Variants in KCNIP4 observed in about 807,000 individuals in gnomAD.
The protein encoded by KCNIP4 is Kv channel-interacting protein 4.
KCNIP4 carries 12 observed loss-of-function variants against 34.0 expected under a neutral mutation model. The observed-to-expected ratio is 0.35, with a 90% CI of 0.23 to 0.57. KCNIP4 has a LOEUF of 0.57. KCNIP4 is among the 20% of genes least tolerant of loss of function. The pLI, the probability that KCNIP4 is intolerant of heterozygous loss-of-function variation, is 0.83. For missense variants in KCNIP4, 238 were observed against 311.7 expected (o/e 0.76, Z 1.78); for synonymous variants, 124 against 102.2 (o/e 1.21, Z -1.29).
intron 1 of KCNIP4, among the ~76,000 whole-genome samples, chr4:21,075,289 C>T (rs1001568671): frequency 6.6e-6 from 1 of 152,062 alleles, no homozygotes; most frequent in African/African-American, 2.4e-5. Context: ...CTTTGTAGGT[C>T]TCTAAGGACT....
At chr4:21,329,079 C>A (rs1238993354) in intron 1 of KCNIP4, among the ~76,000 whole-genome samples, 1 of 152,222 alleles carries the variant, frequency 6.6e-6, no homozygotes, top group African/African-American at 2.4e-5. Flanking sequence ...TACTAGGCTT[C>A]CTCAGTCTTG....
intron 1 of KCNIP4, among the ~76,000 whole-genome samples, chr4:21,111,244 AAAG>A (rs1371259331): frequency 6.6e-6 from 1 of 152,176 alleles, no homozygotes; most frequent in Non-Finnish European, 1.5e-5. Context: ...AGAGAGAACG[AAAG>A]AATTGATCCT....
At chr4:20,763,486 AC>A (rs760679799) in intron 3 of KCNIP4, among the ~76,000 whole-genome samples, 1 of 152,114 alleles carries the variant, frequency 6.6e-6, no homozygotes, top group Admixed American at 6.6e-5. Flanking sequence ...GTACATGGAA[AC>A]TTTTTATGGG....
chr4:21,439,326 G>A (rs746103952), intron 1 of KCNIP4, among the ~76,000 whole-genome samples: 3 of 150,796 alleles, frequency 2.0e-5, no homozygotes, highest in East Asian at 3.9e-4. Flanking sequence ...CTGTATATCC[G>A]CATTAGTAAA....
intron 1 of KCNIP4, among the ~76,000 whole-genome samples, chr4:21,482,835 T>C (rs935670660): frequency 2.0e-5 from 3 of 152,096 alleles, no homozygotes; most frequent in Admixed American, 1.3e-4. Flanking sequence ...ATCCTCTATA[T>C]TTCCTGAATT....
chr4:21,562,471 T>C (rs1739552685), intron 1 of KCNIP4, among the ~76,000 whole-genome samples: 1 of 152,106 alleles, frequency 6.6e-6, no homozygotes. Context: ...GAATCACTTT[T>C]AACTATGCTA....
intron 1 of KCNIP4, among the ~76,000 whole-genome samples, chr4:21,150,576 G>T (rs1752685912): frequency 6.6e-6 from 1 of 152,192 alleles, no homozygotes; most frequent in South Asian, 2.1e-4. Context: ...TGTATGCATT[G>T]GAGGAGTTTA....
At chr4:21,748,844 C>T (rs1214360703) in intron 1 of KCNIP4, among the ~76,000 whole-genome samples, 2 of 152,076 alleles carry the variant, frequency 1.3e-5, no homozygotes, top group African/African-American at 4.8e-5. Context: ...AATCCTGTCA[C>T]TAATGTCCAG....
At chr4:21,319,295 C>G (rs940433178) in intron 1 of KCNIP4, among the ~76,000 whole-genome samples, 4 of 152,166 alleles carry the variant, frequency 2.6e-5, no homozygotes, top group Admixed American at 2.6e-4. Flanking sequence ...TGTCTGCAGT[C>G]AGAATGGACT....
intron 3 of KCNIP4, among the ~76,000 whole-genome samples, chr4:20,790,587 TA>T (rs1712615894): frequency 6.6e-6 from 1 of 152,050 alleles, no homozygotes; most frequent in Admixed American, 6.6e-5. Flanking sequence ...ACTTTTTTGT[TA>T]AAAACCATAA....
At chr4:21,352,853 G>A (rs1408901694) in intron 1 of KCNIP4, among the ~76,000 whole-genome samples, 2 of 152,198 alleles carry the variant, frequency 1.3e-5, no homozygotes, top group African/African-American at 2.4e-5. Context: ...TACCCAAACT[G>A]GGAGACACCT....
chr4:20,763,363 G>A (rs1379831715), intron 3 of KCNIP4, among the ~76,000 whole-genome samples: 2 of 152,172 alleles, frequency 1.3e-5, no homozygotes, highest in Non-Finnish European at 2.9e-5. Context: ...GTACAGATCA[G>A]CTGATGGTTC....
intron 1 of KCNIP4, among the ~76,000 whole-genome samples, chr4:21,015,663 TATAATATAATATA>T: frequency 1.3e-5 from 1 of 77,988 alleles, no homozygotes; most frequent in Non-Finnish European, 2.3e-5. Context: ...ATTGTATTAA[TATAATATAATATA>T]GTATATTGCA....
chr4:21,555,181 G>T (rs1441435172), intron 1 of KCNIP4, among the ~76,000 whole-genome samples: 1 of 152,084 alleles, frequency 6.6e-6, no homozygotes, highest in Non-Finnish European at 1.5e-5. Context: ...GATCACAGAG[G>T]CAGGGCAAGC....
intron 1 of KCNIP4, among the ~76,000 whole-genome samples, chr4:21,695,308 G>A (rs4585286): frequency 0.44 from 67,339 of 151,892 alleles, 18,396 homozygotes; most frequent in Non-Finnish European, 0.61. Flanking sequence ...AGACTGAGCC[G>A]AAAAGAATTT....
At chr4:21,826,372 G>C (rs1310984374) in intron 1 of KCNIP4, among the ~76,000 whole-genome samples, 2 of 152,066 alleles carry the variant, frequency 1.3e-5, no homozygotes, top group Non-Finnish European at 1.5e-5. Flanking sequence ...ATTTTGAAAG[G>C]CAGGATATTT....
rs1730104587 is a variant in KCNIP4 at position 21,939,905 on chromosome 4, G to A, written c.61+8666C>T. ...TAAAATAAGTGATTCCCAAAATTAA[G>A]TTTAAAAATTAGAGAAACATCCTAT... On this transcript the variant is annotated intron_variant, in intron 1 of 8. Coordinates refer to ENST00000382152, the MANE Select transcript of KCNIP4 (RefSeq NM_025221.6). 2.0e-5 allele frequency among the ~76,000 whole-genome samples: 3 copies of A among 152,172 alleles called. No homozygotes were observed. The South Asian group carries it at 6.2e-4, about 32-fold the overall frequency.
chr4:21,778,225 TTTTTTTTTTTC>T (rs1719314938), intron 1 of KCNIP4, among the ~76,000 whole-genome samples: 1 of 56,668 alleles, frequency 1.8e-5, no homozygotes, highest in African/African-American at 1.7e-4. Context: ...CCTTTTTTCC[TTTTTTTTTTTC>T]TTTTTTTTTT....
intron 6 of KCNIP4, among the ~76,000 whole-genome samples, chr4:20,733,606 A>C (rs1748881760): frequency 6.6e-6 from 1 of 152,228 alleles, no homozygotes; most frequent in Admixed American, 6.5e-5. Flanking sequence ...TTTGTTAGAC[A>C]CAGGCAGAAT....
Sources: allele counts gnomAD v4.1 joint callset (sites outside exome capture counted in the v4.1 genomes callset), GRCh38; gene constraint gnomAD v4.1.1; transcripts MANE v1.5; gene names NCBI Gene and HGNC (gene_info 2026-07-23, HGNC 2026-07-21).